The following NCOR2 variants were observed in gnomAD, a reference collection of about 807,000 sequenced individuals.
The protein encoded by NCOR2 is CTG repeat protein 26.
NCOR2 carries 81 observed loss-of-function variants against 262.9 expected under a neutral mutation model. That is an observed-to-expected ratio of 0.31 (90% CI 0.26 to 0.37). NCOR2 has a LOEUF of 0.37. Among genes scored for constraint, NCOR2 ranks in the 10% least tolerant of loss-of-function variants. NCOR2 has a pLI of 1.00. For missense variants in NCOR2, 3,385 were observed against 3,621.4 expected, an observed-to-expected ratio of 0.93 and a Z score of 1.68; for synonymous variants, 1,659 against 1,559.3, an observed-to-expected ratio of 1.06 and a Z score of -1.51.
chr12:124,409,963 G>A (rs1374638491), intron 13 of NCOR2, among the ~76,000 whole-genome samples: 1 of 151,864 alleles, frequency 6.6e-6, no homozygotes, highest in African/African-American at 2.4e-5. Flanking sequence ...ACAGGCATGA[G>A]CCACCGCACC....
chr12:124,414,646 G>A (rs887781880), intron 13 of NCOR2, among the ~76,000 whole-genome samples: 2 of 152,218 alleles, frequency 1.3e-5, no homozygotes, highest in African/African-American at 2.4e-5. Context: ...TAAACATCAC[G>A]GAGAAGGGAG....
At chr12:124,560,324 T>G (rs188819633) in intron 1 of NCOR2, among the ~76,000 whole-genome samples, 1 of 152,366 alleles carries the variant, frequency 6.6e-6, no homozygotes, top group Non-Finnish European at 1.5e-5. Context: ...TGTAAATGAG[T>G]GAGCGTGGCT....
chr12:124,513,024 C>T (rs866436793), intron 1 of NCOR2, among the ~76,000 whole-genome samples: 5 of 152,180 alleles, frequency 3.3e-5, no homozygotes, highest in South Asian at 2.1e-4. Flanking sequence ...GCTGCTCTCT[C>T]GGGAGGACTC....
At chr12:124,544,801 G>A (rs987646382) in intron 1 of NCOR2, among the ~76,000 whole-genome samples, 1 of 152,052 alleles carries the variant, frequency 6.6e-6, no homozygotes, top group Admixed American at 6.5e-5. Context: ...ATGGGCCTGA[G>A]ACCCAGATCA....
intron 20 of NCOR2, among the ~76,000 whole-genome samples, chr12:124,368,607 G>T (rs1368264966): frequency 1.3e-5 from 2 of 152,206 alleles, no homozygotes; most frequent in East Asian, 3.9e-4. Flanking sequence ...GCTGTCCACT[G>T]GACATACGCT....
intron 1 of NCOR2, among the ~76,000 whole-genome samples, chr12:124,510,723 T>C (rs1351300315): frequency 1.3e-5 from 2 of 152,114 alleles, no homozygotes; most frequent in Non-Finnish European, 1.5e-5. Context: ...TCCCATCCCA[T>C]GTCCCTGCTC....
intron 11 of NCOR2, 84 bp downstream of exon 13, chr12:124,426,538 G>T: frequency 1.5e-6 from 2 of 1,335,154 alleles, no homozygotes; most frequent in Non-Finnish European, 2.0e-6. Context: ...ATGCTCATTT[G>T]TGGTGGCTGC....
intron 23 of NCOR2, 152 bp downstream of exon 25, chr12:124,356,490 T>G: frequency 1.5e-6 from 1 of 678,370 alleles, no homozygotes; most frequent in Non-Finnish European, 2.1e-6. Context: ...TTAAAAGATC[T>G]CCCCCTTTCC....
At chr12:124,526,286 T>C (rs1200124767) in intron 1 of NCOR2, among the ~76,000 whole-genome samples, 2 of 152,118 alleles carry the variant, frequency 1.3e-5, no homozygotes, top group Non-Finnish European at 2.9e-5. Flanking sequence ...CCCGCAAGCC[T>C]GAAGTCAGCA....
rs1046425445 is a variant in NCOR2 at position 124,458,813 on chromosome 12, T to A, written c.706-1651A>T. 2.6e-5 allele frequency among the ~76,000 whole-genome samples: 4 copies of A among 152,174 alleles called. No homozygotes were observed. In the East Asian group the frequency reaches 7.7e-4, roughly 29 times the overall value. On this transcript the variant is annotated intron_variant, in intron 5 of 46. Coordinates refer to ENST00000405201, the Ensembl canonical transcript of NCOR2. Reference sequence around the variant, plus strand: ...GCTTGGGACTAGTATTTCCGGTGGATGGGGGCAGACATCACCCGGAGAGTC... The same window carrying A: ...GCTTGGGACTAGTATTTCCGGTGGAAGGGGGCAGACATCACCCGGAGAGTC...
rs1362063695 is a variant in NCOR2 at position 124,566,102 on chromosome 12, G to C, written c.-165+1206C>G. On this transcript the variant is annotated intron_variant, in intron 1 of 32. Transcript: ENST00000458234. This position sits in a 1 kb window ranked among gnomAD's most constrained non-coding sequence, Gnocchi z 4.3. ...CAGAACTCCCCCACCCCGCCCACAG[G>C]GTCCTCCCCTTATCCCCTCCTCCCC... 6.6e-6 allele frequency among the ~76,000 whole-genome samples: 1 copy of C among 151,934 alleles called. No individual in the cohort carries two copies. The highest frequency in any genetic ancestry group is 2.4e-5 in the African/African-American group (1 of 41,364).
intron 1 of NCOR2, among the ~76,000 whole-genome samples, chr12:124,520,775 C>T (rs1019167949): frequency 1.2e-4 from 19 of 152,128 alleles, no homozygotes; most frequent in African/African-American, 3.6e-4. Flanking sequence ...CGCAAGCCTT[C>T]GACGGCGACC....
intron 20 of NCOR2, among the ~76,000 whole-genome samples, chr12:124,370,610 C>T (rs371058541): frequency 1.1e-4 from 17 of 152,224 alleles, no homozygotes; most frequent in Middle Eastern, 3.2e-3. Flanking sequence ...GTGAGCAGGA[C>T]GCAGTCTCCG....
chr12:124,351,772 C>CATTG (rs2037491975), intron 27 of NCOR2, among the ~76,000 whole-genome samples: 1 of 152,140 alleles, frequency 6.6e-6, no homozygotes, highest in Non-Finnish European at 1.5e-5. Flanking sequence ...AGACCTTCTG[C>CATTG]ATTGATGATT....
chr12:124,333,901 C>CATGTGAGTGTGT (rs1555299264), intron 41 of NCOR2, among the ~76,000 whole-genome samples: 1 of 140,384 alleles, frequency 7.1e-6, no homozygotes. Flanking sequence ...TGTGTGCGCG[C>CATGTGAGTGTGT]GCATGTGTGC....
intron 17 of NCOR2, among the ~76,000 whole-genome samples, chr12:124,379,156 G>A (rs891039953): frequency 6.6e-5 from 10 of 152,008 alleles, no homozygotes; most frequent in South Asian, 2.1e-4. Context: ...TGGCAGGTGC[G>A]GGGAGTCACA....
chr12:124,477,095 A>C, intron 3 of NCOR2, among the ~76,000 whole-genome samples: 1 of 151,752 alleles, frequency 6.6e-6, no homozygotes, highest in East Asian at 1.9e-4. Flanking sequence ...AAAAAGGAGG[A>C]GGGGGAAGTG....
At chr12:124,536,685 A>T (rs1339176648), upstream of NCOR2, among the ~76,000 whole-genome samples, 1 of 152,238 alleles carries the variant, frequency 6.6e-6, no homozygotes, top group Non-Finnish European at 1.5e-5. Flanking sequence ...GAGCACCTGG[A>T]ACCCTCACCC....
chr12:124,325,380 C>CGG, exon 47 of NCOR2: 2 of 327,316 alleles, frequency 6.1e-6, no homozygotes, highest in Non-Finnish European at 9.4e-6. Context: ...TGACACCGCC[C>CGG]CCCCCCCCGC....
Sources: gnomAD v4.1 joint callset for allele counts (sites outside exome capture counted in the v4.1 genomes callset) on GRCh38, gnomAD v4.1.1 for gene constraint, Gnocchi (gnomAD v3.1) non-coding constraint, MANE v1.5 for transcripts, NCBI Gene and HGNC (gene_info 2026-07-23, HGNC 2026-07-21) for gene names.